Variants in WDR70 observed in about 807,000 individuals in gnomAD.
WDR70 encodes the protein WD repeat domain 70.
In WDR70, 53 loss-of-function variants were observed where a neutral mutation model predicts 88.6. The ratio of observed to expected loss-of-function variants is 0.60; its 90% CI spans 0.48 to 0.75. WDR70 has a LOEUF of 0.75. WDR70 is among the 30% of genes least tolerant of loss of function. The pLI is 0.00. For missense variants in WDR70, 610 were observed against 823.2 expected, an observed-to-expected ratio of 0.74 and a Z score of 3.17; for synonymous variants, 280 against 270.0, an observed-to-expected ratio of 1.04 and a Z score of -0.36.
chr5:37,598,753 C>T (rs1341054816), intron 9 of WDR70, among the ~76,000 whole-genome samples: 1 of 152,150 alleles, frequency 6.6e-6, no homozygotes, highest in Admixed American at 6.5e-5. Flanking sequence ...CTGAAGAACA[C>T]ATATTTTGAA....
At chr5:37,427,621 A>G (rs1750172128) in intron 5 of WDR70, among the ~76,000 whole-genome samples, 1 of 152,182 alleles carries the variant, frequency 6.6e-6, no homozygotes, top group Non-Finnish European at 1.5e-5. Flanking sequence ...CACACCAGTA[A>G]TCCATGCACT....
chr5:37,516,399 G>T, intron 8 of WDR70, 115 bp from the exon 9 acceptor site: 1 of 529,696 alleles, frequency 1.9e-6, no homozygotes, highest in South Asian at 2.7e-5. Context: ...TTAAAATGGT[G>T]CCCTTTTGGG....
intron 5 of WDR70, among the ~76,000 whole-genome samples, chr5:37,432,109 A>G (rs1239498801): frequency 6.6e-6 from 1 of 152,164 alleles, no homozygotes; most frequent in East Asian, 1.9e-4. Context: ...TTATATTTTT[A>G]ATTTTCTGAG....
At chr5:37,415,323 G>A (rs1749671792) in intron 5 of WDR70, among the ~76,000 whole-genome samples, 4 of 150,070 alleles carry the variant, frequency 2.7e-5, no homozygotes, top group Non-Finnish European at 4.5e-5. Flanking sequence ...GGTGGTGGCC[G>A]GGCAGAGGGG....
In WDR70 at chr5:37,451,991, TCAA is replaced by T. The variant is rs542435647; in HGVS notation, c.686+8641_686+8643del. On this transcript the variant is annotated intron_variant, in intron 7 of 17. Coordinates refer to ENST00000265107, the MANE Select transcript of WDR70 (RefSeq NM_018034.4). ...CCTGGCAACAGAGTGAGACTCCATC[TCAA>T]CAACAACAACAACAACAACAAAAAA... is the stretch of plus-strand genomic sequence containing the variant. Among the ~76,000 whole-genome samples the T allele has an allele frequency of 1.6e-4, 25 of 151,964 alleles. 1 individual carries two copies. The South Asian group carries it at 2.1e-3, about 13-fold the overall frequency.
intron 10 of WDR70, among the ~76,000 whole-genome samples, chr5:37,670,441 A>G (rs1745993076): frequency 6.6e-6 from 1 of 152,228 alleles, no homozygotes; most frequent in African/African-American, 2.4e-5. Flanking sequence ...CCATACCAAG[A>G]TACAAAGTAT....
chr5:37,537,484 C>T (rs939476585), intron 9 of WDR70, among the ~76,000 whole-genome samples: 1 of 152,092 alleles, frequency 6.6e-6, no homozygotes, highest in African/African-American at 2.4e-5. Context: ...AAAATAATGA[C>T]CGCTACTACT....
chr5:37,617,807 C>A (rs1744386829), intron 10 of WDR70, among the ~76,000 whole-genome samples: 1 of 152,090 alleles, frequency 6.6e-6, no homozygotes. Flanking sequence ...AAAATATAGA[C>A]CTTGTGCAGT....
intron 8 of WDR70, among the ~76,000 whole-genome samples, chr5:37,488,502 C>CTTTTTTTTTTTTTTTTTTTTTT (rs113142236): frequency 7.3e-6 from 1 of 137,532 alleles, no homozygotes. Flanking sequence ...TTGTTCTTTA[C>CTTTTTTTTTTTTTTTTTTTTTT]TTTTTTTTTT....
chr5:37,435,476 T>C (rs1414508040), intron 5 of WDR70, among the ~76,000 whole-genome samples: 1 of 152,224 alleles, frequency 6.6e-6, no homozygotes, highest in Admixed American at 6.5e-5. Flanking sequence ...TTGGAATTTG[T>C]GTTTGAATAT....
At chr5:37,525,577 AAG>A in intron 9 of WDR70, among the ~76,000 whole-genome samples, 1 of 152,336 alleles carries the variant, frequency 6.6e-6, no homozygotes, top group South Asian at 2.1e-4. Context: ...AGAGCTAGAG[AAG>A]CAAGAGCAAA....
chr5:37,707,151 C>G (rs1269423313), intron 13 of WDR70, among the ~76,000 whole-genome samples: 1 of 152,094 alleles, frequency 6.6e-6, no homozygotes, highest in Non-Finnish European at 1.5e-5. Flanking sequence ...TGTGAAATGA[C>G]TAATAGAATT....
At chr5:37,572,781 C>T (rs563500115) in intron 9 of WDR70, among the ~76,000 whole-genome samples, 2 of 152,302 alleles carry the variant, frequency 1.3e-5, no homozygotes, top group Non-Finnish European at 2.9e-5. Context: ...TTTCCTCCCA[C>T]TGCAAACATA....
chr5:37,464,045 G>T (rs1291141834), intron 7 of WDR70, among the ~76,000 whole-genome samples: 1 of 152,186 alleles, frequency 6.6e-6, no homozygotes, highest in Non-Finnish European at 1.5e-5. Flanking sequence ...GAACAGTTTG[G>T]TTATTAGTTT....
chr5:37,451,039 C>T (rs553469450), intron 7 of WDR70, among the ~76,000 whole-genome samples: 1 of 152,238 alleles, frequency 6.6e-6, no homozygotes, highest in South Asian at 2.1e-4. Flanking sequence ...GCTGGGATTA[C>T]AGGCATGTGC....
rs767883912 is a variant in WDR70 at position 37,725,062 on chromosome 5, C to A, written c.1714+12C>A. The A allele has an allele frequency of 6.2e-7, 1 of 1,610,506 alleles. No individual in the cohort carries two copies. Among genetic ancestry groups the A allele is most frequent in the East Asian group, 2.2e-5 (1 of 44,830 alleles). ...TGTAGCAGGCCCAGGTGACTGTGATCCAGCTAGTGACCTGCAGAGGGGGTT... is the reference window on the plus strand; with the variant it reads ...TGTAGCAGGCCCAGGTGACTGTGATACAGCTAGTGACCTGCAGAGGGGGTT... On this transcript the variant is annotated intron_variant, in intron 16 of 17. Transcript: ENST00000265107.
chr5:37,600,697 T>A (rs1743855674), intron 9 of WDR70, among the ~76,000 whole-genome samples: 2 of 152,004 alleles, frequency 1.3e-5, no homozygotes, highest in African/African-American at 4.8e-5. Context: ...CAAATAAAAA[T>A]CACAATGGCA....
intron 9 of WDR70, among the ~76,000 whole-genome samples, chr5:37,596,364 T>C (rs2112458633): frequency 6.6e-6 from 1 of 152,306 alleles, no homozygotes; most frequent in South Asian, 2.1e-4. Context: ...CATACTCCAA[T>C]ATACATTTCC....
chr5:37,637,107 C>T (rs573495883), intron 10 of WDR70, among the ~76,000 whole-genome samples: 3 of 151,870 alleles, frequency 2.0e-5, no homozygotes, highest in Non-Finnish European at 2.9e-5. Context: ...TTTGGGAGGC[C>T]GAAGTGGGCG....
Sources: allele counts gnomAD v4.1 joint callset (sites outside exome capture counted in the v4.1 genomes callset), GRCh38; gene constraint gnomAD v4.1.1; transcripts MANE v1.5; gene names NCBI Gene and HGNC (gene_info 2026-07-23, HGNC 2026-07-21).